The following AFTPH variants were observed in gnomAD, a reference collection of about 807,000 sequenced individuals.
The protein encoded by AFTPH is aftiphilin protein.
Under a neutral mutation model 72.5 loss-of-function variants are expected in AFTPH, and 7 were observed. The ratio of observed to expected loss-of-function variants is 0.10; its 90% CI spans 0.05 to 0.18. The LOEUF is 0.18. AFTPH is among the 10% of genes least tolerant of loss of function. The pLI is 1.00. For missense variants in AFTPH, 979 were observed against 1,060.5 expected (o/e 0.92, Z 1.07); for synonymous variants, 337 against 370.1 (o/e 0.91, Z 1.03).
At chr2:64,548,194 C>G (rs969256068) in intron 1 of AFTPH, among the ~76,000 whole-genome samples, 5 of 144,578 alleles carry the variant, frequency 3.5e-5, no homozygotes, top group Non-Finnish European at 7.7e-5. Context: ...GAGATCGAGA[C>G]CATCCTGGCT....
chr2:64,525,066 C>T (rs534370037), intron 1 of AFTPH, among the ~76,000 whole-genome samples: 71 of 152,354 alleles, frequency 4.7e-4, no homozygotes, highest in Admixed American at 3.3e-4. Flanking sequence ...AGGCTGGCCG[C>T]GACCTGAGTG....
rs542780435 is a variant in AFTPH at position 64,581,640 on chromosome 2, GATA to G, written c.2455+2095_2455+2097del. On this transcript the variant is annotated intron_variant, in intron 7 of 8. Transcript: ENST00000238856. ...CATTTGAAAAAAATACAAGTTTAGA[GATA>G]GATAGAATATTTTAGTATACAAAGA... is the stretch of plus-strand genomic sequence containing the variant. Among the ~76,000 whole-genome samples the G allele has an allele frequency of 5.6e-3, 697 of 124,114 alleles. 5 individuals carry two copies. Among genetic ancestry groups the G allele is most frequent in the African/African-American group, 0.036 (674 of 18,690 alleles). The allele number at this position is 124,114 out of a possible 152,430, so 81.4% of individuals were successfully genotyped here. A position where few individuals can be genotyped will look rare whatever the true frequency, so the allele number is the denominator to read the frequency against.
chr2:64,570,895 T>C (rs1056751774), intron 5 of AFTPH, among the ~76,000 whole-genome samples: 2 of 148,704 alleles, frequency 1.3e-5, no homozygotes, highest in African/African-American at 5.0e-5. Flanking sequence ...TGGACTTTTT[T>C]TCCCACTTCT....
intron 7 of AFTPH, among the ~76,000 whole-genome samples, chr2:64,581,545 G>GA (rs1426148953): frequency 1.3e-5 from 2 of 150,766 alleles, no homozygotes; most frequent in Non-Finnish European, 3.0e-5. Context: ...AGGGCTGTTG[G>GA]TTTTTTTTTC....
At chr2:64,575,550 G>C (rs11686316) in intron 6 of AFTPH, among the ~76,000 whole-genome samples, 53,100 of 151,700 alleles carry the variant, frequency 0.35, 9,407 homozygotes, top group South Asian at 0.39. Flanking sequence ...TCAGAAGCTT[G>C]AGGCTGCAGT....
chr2:64,545,406 A>G (rs1002164710), intron 1 of AFTPH, among the ~76,000 whole-genome samples: 1 of 150,608 alleles, frequency 6.6e-6, no homozygotes, highest in South Asian at 2.1e-4. Context: ...TATATATACT[A>G]TTATTATGTA....
intron 7 of AFTPH, 110 bp downstream of exon 8, chr2:64,581,383 C>T: frequency 1.3e-6 from 1 of 781,942 alleles, no homozygotes; most frequent in Non-Finnish European, 1.9e-6. Flanking sequence ...TCTATAATGT[C>T]TTTTTAATAC....
At chr2:64,533,011 C>T (rs1478773325) in intron 1 of AFTPH, among the ~76,000 whole-genome samples, 1 of 152,088 alleles carries the variant, frequency 6.6e-6, no homozygotes, top group African/African-American at 2.4e-5. Context: ...TCTTTGGAAA[C>T]ATTTACCTTT....
chr2:64,534,658 G>C (rs1416516370), intron 1 of AFTPH, among the ~76,000 whole-genome samples: 1 of 151,748 alleles, frequency 6.6e-6, no homozygotes, highest in African/African-American at 2.4e-5. Flanking sequence ...AAGTAGGGAA[G>C]TTTTTTGTTG....
At chr2:64,573,750 T>C (rs1039374211) in intron 6 of AFTPH, among the ~76,000 whole-genome samples, 4 of 152,082 alleles carry the variant, frequency 2.6e-5, no homozygotes, top group African/African-American at 9.7e-5. Flanking sequence ...CTCTGCCTCC[T>C]GGGTTCAAGC....
Position 64,570,063 on chromosome 2 carries a change from T to C in AFTPH, c.2271+384T>C, listed in dbSNP as rs1485004387. Among the ~76,000 whole-genome samples, 3 of 152,230 alleles carry C rather than the reference T, an allele frequency of 2.0e-5. No homozygotes were observed. The South Asian group carries it at 6.2e-4, about 31-fold the overall frequency. On this transcript the variant is annotated intron_variant, in intron 5 of 8. Coordinates refer to ENST00000238856, the Ensembl canonical transcript of AFTPH. ...AATTTTAAATGCAATATTGAGGCTA[T>C]AGATGTACATAAAAGCTTAGAAACA...
intron 2 of AFTPH, among the ~76,000 whole-genome samples, chr2:64,554,968 T>C (rs1671268471): frequency 6.6e-6 from 1 of 152,214 alleles, no homozygotes; most frequent in East Asian, 1.9e-4. Flanking sequence ...ATTGAAGTTA[T>C]TTATGTATAA....
chr2:64,578,587 C>T (rs570446200), intron 6 of AFTPH, among the ~76,000 whole-genome samples: 13 of 150,056 alleles, frequency 8.7e-5, no homozygotes, highest in African/African-American at 3.2e-4. Context: ...AACAGTCTCA[C>T]TCTGTCGCCC....
intron 1 of AFTPH, among the ~76,000 whole-genome samples, chr2:64,528,985 G>A (rs892335540): frequency 3.3e-5 from 5 of 152,198 alleles, no homozygotes; most frequent in African/African-American, 1.2e-4. Context: ...AATTGTGCTG[G>A]TAGAGTTAAG....
intron 1 of AFTPH, among the ~76,000 whole-genome samples, chr2:64,536,324 G>A (rs902301421): frequency 5.3e-5 from 8 of 152,082 alleles, no homozygotes; most frequent in Non-Finnish European, 8.8e-5. Context: ...CCAGCCCTTC[G>A]GGAGGCCAAA....
At chr2:64,551,330 CAA>C in intron 1 of AFTPH, 111 bp from the exon 2 acceptor site, 1 of 809,122 alleles carries the variant, frequency 1.2e-6, no homozygotes, top group Non-Finnish European at 1.9e-6. Flanking sequence ...AAAAAGGAGA[CAA>C]AATAGAGCAT....
intron 2 of AFTPH, among the ~76,000 whole-genome samples, chr2:64,553,612 T>C (rs1671181071): frequency 6.6e-6 from 1 of 151,866 alleles, no homozygotes; most frequent in Non-Finnish European, 1.5e-5. Context: ...TAAAGCGCAG[T>C]AAGATTTTTC....
chr2:64,527,370 C>T (rs547248924), intron 1 of AFTPH, among the ~76,000 whole-genome samples: 64 of 152,100 alleles, frequency 4.2e-4, no homozygotes, highest in Admixed American at 7.9e-4. Flanking sequence ...CACCTGAGGT[C>T]GGGAGTTCAA....
exon 3 of AFTPH, chr2:64,567,565 G>A (rs1351821239): frequency 6.2e-7 from 1 of 1,604,466 alleles, no homozygotes; most frequent in East Asian, 2.2e-5. Context: ...GATGCAGACA[G>A]CTTTATTAAA....
Sources: gnomAD v4.1 joint callset for allele counts (sites outside exome capture counted in the v4.1 genomes callset) on GRCh38, gnomAD v4.1.1 for gene constraint, MANE v1.5 for transcripts, NCBI Gene and HGNC (gene_info 2026-07-23, HGNC 2026-07-21) for gene names.